Variants in KIRREL3 observed in about 807,000 individuals in gnomAD.
The protein encoded by KIRREL3 is kirre like nephrin family adhesion molecule 3, also known as kin of IRRE-like protein 3.
Under a neutral mutation model 89.7 loss-of-function variants are expected in KIRREL3, and 36 were observed. The ratio of observed to expected loss-of-function variants is 0.40; its 90% CI spans 0.31 to 0.53. The LOEUF (loss-of-function observed/expected upper bound fraction) is 0.53, where lower values mean the gene tolerates loss of function less well. KIRREL3 is among the 20% of genes least tolerant of loss of function. The pLI is 0.49. For missense variants in KIRREL3, 864 were observed against 1,056.6 expected (o/e 0.82, Z 2.53); for synonymous variants, 445 against 441.4 (o/e 1.01, Z -0.10).
chr11:126,472,070 A>G (rs971858473), intron 5 of KIRREL3, among the ~76,000 whole-genome samples: 1 of 152,230 alleles, frequency 6.6e-6, no homozygotes, highest in Non-Finnish European at 1.5e-5. Flanking sequence ...AAGTGGCCAG[A>G]TTTAGCAAAT....
chr11:126,647,721 C>G lies in KIRREL3; in HGVS notation c.56-84809G>C, dbSNP rs1944745935. Among the ~76,000 whole-genome samples the G allele has an allele frequency of 6.6e-6, 1 of 152,214 alleles. No homozygotes were observed. Among genetic ancestry groups the G allele is most frequent in the Non-Finnish European group, 1.5e-5 (1 of 68,038 alleles). On this transcript the variant is annotated intron_variant, in intron 1 of 16. Transcript: ENST00000525144. This position sits in a 1 kb window ranked among gnomAD's most constrained non-coding sequence, Gnocchi z 4.9. ...CAGAGCCTCCTAATTGGTCTCGCAGCTTCCATCCTTGTCTTCTGCTGTCTA... is the reference window on the plus strand; with the variant it reads ...CAGAGCCTCCTAATTGGTCTCGCAGGTTCCATCCTTGTCTTCTGCTGTCTA...
Position 126,535,574 on chromosome 11 carries a change from G to GGTGT in KIRREL3, c.134-8891_134-8888dup, listed in dbSNP as rs60765008. Among the ~76,000 whole-genome samples, 66,909 of 150,746 alleles carry GGTGT rather than the reference G, an allele frequency of 0.44. 15,474 individuals carry two copies. Among genetic ancestry groups the GGTGT allele is most frequent in the East Asian group, 0.85 (4,342 of 5,098 alleles). ...GGCAGCACTGCAGGGTGCTGGGTCG[G>GGTGT]GTGTGTGTGTGTGTGTGTGCACGTG... On this transcript the variant is annotated intron_variant, in intron 2 of 16. Transcript: ENST00000525144. This position sits in a 1 kb window ranked among gnomAD's most constrained non-coding sequence, Gnocchi z 4.5.
At chr11:126,937,722 AC>A (rs1948260700) in intron 1 of KIRREL3, among the ~76,000 whole-genome samples, 1 of 151,292 alleles carries the variant, frequency 6.6e-6, no homozygotes, top group Non-Finnish European at 1.5e-5. Context: ...ACACAGTGAA[AC>A]CCCATCTCTA....
Position 126,668,442 on chromosome 11 carries a change from A to T in KIRREL3, c.56-105530T>A, listed in dbSNP as rs1350306849. Among the ~76,000 whole-genome samples the T allele has an allele frequency of 6.6e-6, 1 of 152,128 alleles. No individual in the cohort carries two copies. ...ATAAAACACCCTGGCTATAGAAGAG[A>T]GGTGGCTTTTCCTCTCCCCAGACAG... On this transcript the variant is annotated intron_variant, in intron 1 of 16. Coordinates refer to ENST00000525144, the MANE Select transcript of KIRREL3 (RefSeq NM_032531.4). The surrounding 1 kb of genome is among the most constrained non-coding windows in gnomAD (Gnocchi z 4.4).
chr11:126,732,656 T>A (rs1027368291), intron 1 of KIRREL3, among the ~76,000 whole-genome samples: 1 of 152,228 alleles, frequency 6.6e-6, no homozygotes, highest in Non-Finnish European at 1.5e-5. Flanking sequence ...AGCCTGGCTC[T>A]GAACCAGGAC....
chr11:126,496,242 G>A lies in KIRREL3; in HGVS notation c.434-22776C>T, dbSNP rs754531830. Among the ~76,000 whole-genome samples, 1 of 152,224 alleles carries A rather than the reference G, an allele frequency of 6.6e-6. No homozygotes were observed. The highest frequency in any genetic ancestry group is 1.5e-5 in the Non-Finnish European group (1 of 68,044). On this transcript the variant is annotated intron_variant, in intron 4 of 16. Coordinates refer to ENST00000525144, the MANE Select transcript of KIRREL3 (RefSeq NM_032531.4). The surrounding 1 kb of genome is among the most constrained non-coding windows in gnomAD (Gnocchi z 4.9). ...CAGTCAACTTTCAAAGGTACTTTGTGCTCGGAACATTGAGAGGCACTGTGC... is the reference window on the plus strand; with the variant it reads ...CAGTCAACTTTCAAAGGTACTTTGTACTCGGAACATTGAGAGGCACTGTGC...
At chr11:126,968,714 A>G (rs1051251607) in intron 1 of KIRREL3, among the ~76,000 whole-genome samples, 1 of 152,230 alleles carries the variant, frequency 6.6e-6, no homozygotes, top group African/African-American at 2.4e-5. Context: ...TTGCCCATTT[A>G]TAACACGGCA....
Position 126,814,172 on chromosome 11 carries a change from C to T in KIRREL3, c.55+186283G>A, listed in dbSNP as rs528835512. On this transcript the variant is annotated intron_variant, in intron 1 of 16. Coordinates refer to ENST00000525144, the MANE Select transcript of KIRREL3 (RefSeq NM_032531.4). This position sits in a 1 kb window ranked among gnomAD's most constrained non-coding sequence, Gnocchi z 4.4. ...TGAAAAAAAGCTTAACATCACTGAT[C>T]ATTAGATAAATGCAAATAAAAACCA... 6.6e-6 allele frequency among the ~76,000 whole-genome samples: 1 copy of T among 151,944 alleles called. No individual in the cohort carries two copies. The highest frequency in any genetic ancestry group is 2.4e-5 in the African/African-American group (1 of 41,464).
chr11:126,431,527 CTG>C lies in KIRREL3; in HGVS notation c.1589-3_1589-2del, dbSNP rs2134149925. On this transcript the variant is annotated splice_acceptor_variant and splice_polypyrimidine_tract_variant and intron_variant, in intron 13 of 16. Coordinates refer to ENST00000525144, the MANE Select transcript of KIRREL3 (RefSeq NM_032531.4). LOFTEE classifies it high-confidence loss of function. The surrounding 1 kb of genome is among the most constrained non-coding windows in gnomAD (Gnocchi z 7.1). ...ATGATGACGGCCATCGGCACAGACT[CTG>C]TGGGAGAGAAGCGGGCACAGCTGAT... is the stretch of plus-strand genomic sequence containing the variant. 1 of 1,613,572 alleles carries C rather than the reference CTG, an allele frequency of 6.2e-7. No individual in the cohort carries two copies. Among genetic ancestry groups the C allele is most frequent in the Non-Finnish European group, 8.5e-7 (1 of 1,179,736 alleles).
At chr11:126,792,743 C>T (rs138279952) in intron 1 of KIRREL3, among the ~76,000 whole-genome samples, 3 of 152,168 alleles carry the variant, frequency 2.0e-5, no homozygotes, top group South Asian at 2.1e-4. Context: ...GACCATGATA[C>T]GAAGTGGAAA....
At chr11:126,722,148 C>G (rs577776063) in intron 1 of KIRREL3, among the ~76,000 whole-genome samples, 11 of 152,230 alleles carry the variant, frequency 7.2e-5, no homozygotes, top group Admixed American at 7.2e-4. Context: ...TGTCACTTCT[C>G]TCCTCCATCC....
chr11:126,594,098 T>A lies in KIRREL3; in HGVS notation c.56-31186A>T, dbSNP rs1305408431. Among the ~76,000 whole-genome samples the A allele has an allele frequency of 6.6e-6, 1 of 152,084 alleles. No individual in the cohort carries two copies. Among genetic ancestry groups the A allele is most frequent in the Admixed American group, 6.5e-5 (1 of 15,280 alleles). On this transcript the variant is annotated intron_variant, in intron 1 of 16. Coordinates refer to ENST00000525144, the MANE Select transcript of KIRREL3 (RefSeq NM_032531.4). This position sits in a 1 kb window ranked among gnomAD's most constrained non-coding sequence, Gnocchi z 5.0. The stretch of plus-strand genomic sequence containing the variant: ...CCCTTCCCTCTGTCCATTGGCACAG[T>A]GTATCCTCCTCCCATCCTCCACCCC...
Position 126,645,784 on chromosome 11 carries a change from T to C in KIRREL3, c.56-82872A>G, listed in dbSNP as rs976936934. Reference sequence around the variant, plus strand: ...CGCCTATGCTTTGGACCACATTTAATTAAATGCCTACATTACTGCTTCCTC... The same window carrying C: ...CGCCTATGCTTTGGACCACATTTAACTAAATGCCTACATTACTGCTTCCTC... On this transcript the variant is annotated intron_variant, in intron 1 of 16. Transcript: ENST00000525144. This position sits in a 1 kb window ranked among gnomAD's most constrained non-coding sequence, Gnocchi z 4.9. Among the ~76,000 whole-genome samples the C allele has an allele frequency of 1.3e-5, 2 of 152,186 alleles. No homozygotes were observed. The highest frequency in any genetic ancestry group is 2.9e-5 in the Non-Finnish European group (2 of 68,034).
intron 1 of KIRREL3, among the ~76,000 whole-genome samples, chr11:126,663,102 C>T (rs1160400802): frequency 6.7e-6 from 1 of 149,824 alleles, no homozygotes; most frequent in African/African-American, 2.5e-5. Flanking sequence ...CATCTCCACA[C>T]GTGGGACTGA....
In KIRREL3 at chr11:126,597,903, C is replaced by T. The variant is rs183836681; in HGVS notation, c.56-34991G>A. 3.5e-3 allele frequency among the ~76,000 whole-genome samples: 526 copies of T among 152,354 alleles called. 1 individual carries two copies. Among genetic ancestry groups the T allele is most frequent in the Admixed American group, 7.6e-3 (117 of 15,302 alleles). ...TTTGGAAGTACAGTTCTGTCTAAAA[C>T]AGAGCACAGCAGCCACTTAAGTCAC... On this transcript the variant is annotated intron_variant, in intron 1 of 16. Transcript: ENST00000525144.
chr11:126,458,322 G>C (rs1956439737), intron 6 of KIRREL3, among the ~76,000 whole-genome samples: 1 of 152,242 alleles, frequency 6.6e-6, no homozygotes, highest in Non-Finnish European at 1.5e-5. Context: ...GTCCCCATGG[G>C]GGCACCACAA....
chr11:126,693,264 A>C (rs1946950350), intron 1 of KIRREL3, among the ~76,000 whole-genome samples: 1 of 151,986 alleles, frequency 6.6e-6, no homozygotes. Context: ...AGTAAAATAC[A>C]AAAAAAATTA....
intron 1 of KIRREL3, among the ~76,000 whole-genome samples, chr11:126,716,254 C>T (rs906196664): frequency 1.3e-5 from 2 of 152,098 alleles, no homozygotes; most frequent in African/African-American, 4.8e-5. Context: ...GATTTTGAAA[C>T]TCTTAAACTA....
In KIRREL3 at chr11:126,515,419, C is replaced by T. The variant is rs1350249284; in HGVS notation, c.433+5896G>A. Among the ~76,000 whole-genome samples the T allele has an allele frequency of 1.3e-5, 2 of 152,134 alleles. No homozygotes were observed. Among genetic ancestry groups the T allele is most frequent in the African/African-American group, 2.4e-5 (1 of 41,442 alleles). On this transcript the variant is annotated intron_variant, in intron 4 of 16. Coordinates refer to ENST00000525144, the MANE Select transcript of KIRREL3 (RefSeq NM_032531.4). The surrounding 1 kb of genome is among the most constrained non-coding windows in gnomAD (Gnocchi z 4.2). ...GAGCCATAATAGTGCCACTGCACTT[C>T]AGTCTGGATGACAGAGCAAGACCCT...
Sources: allele counts gnomAD v4.1 joint callset (sites outside exome capture counted in the v4.1 genomes callset), GRCh38; gene constraint gnomAD v4.1.1; non-coding constraint Gnocchi (gnomAD v3.1); transcripts MANE v1.5; gene names NCBI Gene and HGNC (gene_info 2026-07-23, HGNC 2026-07-21).